CDH13: variants seen among roughly 807,000 people sequenced by gnomAD.
The protein encoded by CDH13 is cadherin-13.
A neutral mutation model predicts 63.8 loss-of-function variants in CDH13; 24 were observed. The observed-to-expected ratio is 0.38, with a 90% CI of 0.27 to 0.53. The LOEUF (loss-of-function observed/expected upper bound fraction) is 0.53, where lower values mean the gene tolerates loss of function less well. CDH13 is among the 20% of genes least tolerant of loss of function. CDH13 has a pLI of 0.85. For missense variants in CDH13, 1,049 were observed against 903.1 expected (o/e 1.16, Z -2.07); for synonymous variants, 503 against 355.3 (o/e 1.42, Z -4.67).
At chr16:83,030,948 T>A (rs1443410418) in intron 2 of CDH13, among the ~76,000 whole-genome samples, 1 of 151,894 alleles carries the variant, frequency 6.6e-6, no homozygotes, top group African/African-American at 2.4e-5. Flanking sequence ...CCATATGGAC[T>A]GAGCATGAAA....
Position 83,059,375 on chromosome 16 carries a change from G to C in CDH13, c.366+27157G>C, listed in dbSNP as rs367916401. 2.0e-5 allele frequency among the ~76,000 whole-genome samples: 3 copies of C among 152,112 alleles called. No homozygotes were observed. In the East Asian group the frequency reaches 5.8e-4, roughly 29 times the overall value. On this transcript the variant is annotated intron_variant, in intron 3 of 13. Coordinates refer to ENST00000567109, the MANE Select transcript of CDH13 (RefSeq NM_001257.5). ...AAGTTCCTGTATGTGTCAGAGATCT[G>C]GGGCAGGATGATTTGCAGTCATGTA...
At chr16:83,172,740 A>G (rs1489545419) in intron 4 of CDH13, among the ~76,000 whole-genome samples, 1 of 152,082 alleles carries the variant, frequency 6.6e-6, no homozygotes, top group Non-Finnish European at 1.5e-5. Flanking sequence ...GTACTTTGTC[A>G]TAACAGCCCT....
At chr16:83,193,351 G>C (rs1466418048) in intron 4 of CDH13, among the ~76,000 whole-genome samples, 1 of 152,176 alleles carries the variant, frequency 6.6e-6, no homozygotes, top group African/African-American at 2.4e-5. Flanking sequence ...CTGACACATA[G>C]ATTAAAAAGT....
intron 2 of CDH13, among the ~76,000 whole-genome samples, chr16:82,976,405 C>G (rs144656056): frequency 2.6e-5 from 4 of 152,232 alleles, no homozygotes; most frequent in Admixed American, 2.0e-4. Context: ...TTCCTATGTC[C>G]TTTTTCTTCA....
At chr16:83,054,941 A>G (rs1288913404) in intron 3 of CDH13, among the ~76,000 whole-genome samples, 4 of 152,126 alleles carry the variant, frequency 2.6e-5, no homozygotes, top group East Asian at 1.9e-4. Context: ...TAGGCTGGTC[A>G]TAGAGTACAT....
At chr16:83,070,855 G>GCCC (rs34273611) in intron 3 of CDH13, among the ~76,000 whole-genome samples, 1 of 121,808 alleles carries the variant, frequency 8.2e-6, no homozygotes. Context: ...GTAATAAACA[G>GCCC]CCCCCCCCCC....
chr16:83,169,605 A>C (rs139733968), intron 4 of CDH13, among the ~76,000 whole-genome samples: 75 of 151,710 alleles, frequency 4.9e-4, no homozygotes, highest in African/African-American at 1.8e-3. Flanking sequence ...CTGCCTGTTC[A>C]AGCCCTCTTT....
chr16:82,642,121 T>C (rs1567582270), intron 1 of CDH13, among the ~76,000 whole-genome samples: 1 of 150,258 alleles, frequency 6.7e-6, no homozygotes, highest in Non-Finnish European at 1.5e-5. Flanking sequence ...AAGTGGTGCT[T>C]GGCAAATGTG....
At chr16:83,498,119 G>T (rs540991747) in intron 7 of CDH13, among the ~76,000 whole-genome samples, 1 of 152,282 alleles carries the variant, frequency 6.6e-6, no homozygotes, top group South Asian at 2.1e-4. Flanking sequence ...AATATTGGAG[G>T]GAACCATCTT....
intron 1 of CDH13, among the ~76,000 whole-genome samples, chr16:82,681,237 A>T (rs1297721557): frequency 6.6e-6 from 1 of 152,240 alleles, no homozygotes; most frequent in African/African-American, 2.4e-5. Flanking sequence ...TGAAAACCTG[A>T]TGCCGGTGGC....
intron 1 of CDH13, among the ~76,000 whole-genome samples, chr16:82,670,634 G>C (rs1314607586): frequency 6.6e-6 from 1 of 152,188 alleles, no homozygotes; most frequent in African/African-American, 2.4e-5. Context: ...CTCGGAATGA[G>C]CTAGGCATTT....
At chr16:82,882,405 A>G (rs1477050928) in intron 2 of CDH13, among the ~76,000 whole-genome samples, 2 of 152,132 alleles carry the variant, frequency 1.3e-5, no homozygotes, top group Non-Finnish European at 2.9e-5. Flanking sequence ...TCTAGTCTCC[A>G]ACTCCGCTGC....
chr16:82,724,042 T>C (rs2032944541), intron 1 of CDH13, among the ~76,000 whole-genome samples: 2 of 152,184 alleles, frequency 1.3e-5, no homozygotes, highest in Admixed American at 6.5e-5. Context: ...ATTGGTACTC[T>C]CTGAGCCTTT....
intron 11 of CDH13, among the ~76,000 whole-genome samples, chr16:83,759,120 C>A (rs1174449991): frequency 2.0e-5 from 3 of 152,202 alleles, no homozygotes; most frequent in Non-Finnish European, 2.9e-5. Flanking sequence ...GTAGAACTTA[C>A]ACTACCGTAC....
At chr16:83,334,193 G>A (rs891859508) in intron 5 of CDH13, among the ~76,000 whole-genome samples, 10 of 151,858 alleles carry the variant, frequency 6.6e-5, no homozygotes, top group African/African-American at 1.9e-4. Flanking sequence ...AACGACTCAT[G>A]ATTATATTGG....
At chr16:82,865,107 G>T (rs574318201) in intron 2 of CDH13, among the ~76,000 whole-genome samples, 2 of 152,242 alleles carry the variant, frequency 1.3e-5, no homozygotes, top group Non-Finnish European at 2.9e-5. Context: ...GTCTTGGGCA[G>T]TTCCACCCCC....
chr16:83,269,568 C>A (rs1191916615), intron 5 of CDH13, among the ~76,000 whole-genome samples: 1 of 152,138 alleles, frequency 6.6e-6, no homozygotes, highest in Non-Finnish European at 1.5e-5. Context: ...CAGATTCCCA[C>A]CCCAGTAAGA....
chr16:83,568,200 A>C (rs1904304560), intron 7 of CDH13, among the ~76,000 whole-genome samples: 1 of 152,198 alleles, frequency 6.6e-6, no homozygotes, highest in Non-Finnish European at 1.5e-5. Flanking sequence ...GGAAAAAAAA[A>C]AGCTGATCTG....
chr16:83,536,730 A>G (rs1224426612), intron 7 of CDH13, among the ~76,000 whole-genome samples: 1 of 152,196 alleles, frequency 6.6e-6, no homozygotes, highest in Non-Finnish European at 1.5e-5. Flanking sequence ...CCACTAGGGG[A>G]CTACCATATT....
Sources: allele counts gnomAD v4.1 joint callset (sites outside exome capture counted in the v4.1 genomes callset), GRCh38; gene constraint gnomAD v4.1.1; transcripts MANE v1.5; gene names NCBI Gene and HGNC (gene_info 2026-07-23, HGNC 2026-07-21).